Variants in CFAP61 observed in about 807,000 individuals in gnomAD.
The protein encoded by CFAP61 is cilia and flagella associated protein 61.
In CFAP61, 107 loss-of-function variants were observed where a neutral mutation model predicts 135.6. That is an observed-to-expected ratio of 0.79 (90% CI 0.67 to 0.93). CFAP61 has a LOEUF of 0.93. Ranked by LOEUF, CFAP61 falls within the 40% of genes least tolerant of loss-of-function variation. The probability of loss-of-function intolerance (pLI) is 0.00; values close to 1 mark genes in which losing one functional copy is unlikely to be tolerated. For synonymous variants in CFAP61, 575 were observed against 578.5 expected, an observed-to-expected ratio of 0.99 and a Z score of 0.09; for missense variants, 1,507 against 1,556.2, an observed-to-expected ratio of 0.97 and a Z score of 0.53.
chr20:20,064,344 T>G (rs1273293080), intron 2 of CFAP61, among the ~76,000 whole-genome samples: 1 of 152,238 alleles, frequency 6.6e-6, no homozygotes, highest in African/African-American at 2.4e-5. Context: ...TATTTTTTCC[T>G]CATTAAGTTG....
chr20:20,163,777 C>T (rs1354153231), intron 10 of CFAP61, among the ~76,000 whole-genome samples: 1 of 151,868 alleles, frequency 6.6e-6, no homozygotes, highest in Non-Finnish European at 1.5e-5. Flanking sequence ...CCTTTCCCCC[C>T]GACCCCCCTG....
intron 25 of CFAP61, among the ~76,000 whole-genome samples, chr20:20,304,313 A>T (rs1455922682): frequency 1.4e-4 from 17 of 122,980 alleles, no homozygotes; most frequent in Admixed American, 2.5e-4. Flanking sequence ...TGAGAGAGAG[A>T]GAGAGAGAGA....
intron 18 of CFAP61, among the ~76,000 whole-genome samples, chr20:20,239,155 C>A (rs1256955659): frequency 6.6e-6 from 1 of 152,104 alleles, no homozygotes; most frequent in African/African-American, 2.4e-5. Context: ...TTTGAAGGAA[C>A]TTTTTGAATA....
intron 11 of CFAP61, among the ~76,000 whole-genome samples, 189 bp from the exon 12 acceptor site, chr20:20,166,208 C>T (rs2146814275): frequency 6.6e-6 from 1 of 152,186 alleles, no homozygotes; most frequent in East Asian, 1.9e-4. Context: ...TTCAGTTCTG[C>T]AGAATACTTT....
At chr20:20,103,609 T>G (rs1027680905) in intron 8 of CFAP61, among the ~76,000 whole-genome samples, 1 of 152,098 alleles carries the variant, frequency 6.6e-6, no homozygotes, top group Admixed American at 6.6e-5. Context: ...CCTTAAATGC[T>G]AAAAAAAACT....
At chr20:20,239,113 A>G (rs2049827297) in intron 18 of CFAP61, among the ~76,000 whole-genome samples, 1 of 152,130 alleles carries the variant, frequency 6.6e-6, no homozygotes, top group Non-Finnish European at 1.5e-5. Context: ...GCATGCCCAA[A>G]TGCAAGCTGT....
intron 26 of CFAP61, among the ~76,000 whole-genome samples, chr20:20,344,673 A>G (rs1395827322): frequency 6.6e-6 from 1 of 152,188 alleles, no homozygotes; most frequent in Non-Finnish European, 1.5e-5. Context: ...TAGTATAGCC[A>G]CTGTAGAGAA....
chr20:20,197,690 G>T (rs1047965089), intron 16 of CFAP61, among the ~76,000 whole-genome samples: 2 of 148,900 alleles, frequency 1.3e-5, no homozygotes, highest in African/African-American at 5.0e-5. Context: ...ACAGGAAAAG[G>T]CCTATTCAAG....
intron 6 of CFAP61, among the ~76,000 whole-genome samples, chr20:20,077,386 G>C (rs369019636): frequency 6.6e-6 from 1 of 152,200 alleles, no homozygotes; most frequent in South Asian, 2.1e-4. Flanking sequence ...CACAGAGATA[G>C]GAATCAGATA....
At chr20:20,190,677 A>G (rs2055858432) in intron 14 of CFAP61, among the ~76,000 whole-genome samples, 1 of 152,152 alleles carries the variant, frequency 6.6e-6, no homozygotes, top group South Asian at 2.1e-4. Flanking sequence ...ATTAAGGGAT[A>G]CTGAACAAAG....
chr20:20,211,520 CA>C (rs1410237496), intron 17 of CFAP61, among the ~76,000 whole-genome samples: 3 of 152,060 alleles, frequency 2.0e-5, no homozygotes, highest in Admixed American at 2.0e-4. Context: ...GGGAAAAAAA[CA>C]GAATAAATAA....
At chr20:20,178,829 A>G (rs1488473451) in intron 13 of CFAP61, among the ~76,000 whole-genome samples, 1 of 152,152 alleles carries the variant, frequency 6.6e-6, no homozygotes, top group Non-Finnish European at 1.5e-5. Flanking sequence ...CTCCTTGAAC[A>G]GAACCCGATA....
intron 24 of CFAP61, among the ~76,000 whole-genome samples, chr20:20,293,798 T>C (rs2055181702): frequency 6.6e-6 from 1 of 152,226 alleles, no homozygotes; most frequent in Non-Finnish European, 1.5e-5. Context: ...TGTTGGCGTA[T>C]ATACCATGGA....
intron 20 of CFAP61, among the ~76,000 whole-genome samples, chr20:20,256,400 C>CCACACA (rs35783358): frequency 0.011 from 1,612 of 148,762 alleles, 35 homozygotes; most frequent in African/African-American, 0.037. Context: ...AAAATTTAGG[C>CCACACA]CACACACACA....
At chr20:20,354,343 A>G (rs895193586) in intron 26 of CFAP61, among the ~76,000 whole-genome samples, 1 of 152,096 alleles carries the variant, frequency 6.6e-6, no homozygotes, top group African/African-American at 2.4e-5. Flanking sequence ...CTGTACTAAA[A>G]ATACAAAAAT....
chr20:20,117,695 G>A (rs559346254), intron 8 of CFAP61, among the ~76,000 whole-genome samples: 3 of 152,030 alleles, frequency 2.0e-5, no homozygotes, highest in African/African-American at 4.8e-5. Flanking sequence ...TCGTTTTAAC[G>A]ATATTCTTCT....
At chr20:20,154,449 G>C (rs927700768) in intron 9 of CFAP61, among the ~76,000 whole-genome samples, 6 of 151,904 alleles carry the variant, frequency 3.9e-5, no homozygotes, top group Non-Finnish European at 7.4e-5. Flanking sequence ...TGTATACCTA[G>C]AAAACCCTAA....
At chr20:20,181,354 A>G (rs896132106) in intron 13 of CFAP61, among the ~76,000 whole-genome samples, 14 of 151,658 alleles carry the variant, frequency 9.2e-5, no homozygotes, top group Admixed American at 7.2e-4. Flanking sequence ...GAAAATCCCA[A>G]TCTTTTTCCT....
At chr20:20,281,836 AT>A (rs568182305) in intron 22 of CFAP61, among the ~76,000 whole-genome samples, 1 of 152,044 alleles carries the variant, frequency 6.6e-6, no homozygotes, top group African/African-American at 2.4e-5. Context: ...CAAGATTGGT[AT>A]TTTTTCTTTC....
Sources: allele counts gnomAD v4.1 joint callset (sites outside exome capture counted in the v4.1 genomes callset), GRCh38; gene constraint gnomAD v4.1.1; transcripts MANE v1.5; gene names NCBI Gene and HGNC (gene_info 2026-07-23, HGNC 2026-07-21).